TALDO1: variants seen among roughly 807,000 people sequenced by gnomAD.
TALDO1 encodes transaldolase.
In TALDO1, 29 loss-of-function variants were observed where a neutral mutation model predicts 38.1. That is an observed-to-expected ratio of 0.76 (90% CI 0.57 to 1.04). The LOEUF is 1.04. TALDO1 is among the 50% of genes least tolerant of loss of function. TALDO1 has a pLI of 0.00. For synonymous variants in TALDO1, 207 were observed against 176.8 expected (o/e 1.17, Z -1.36); for missense variants, 499 against 438.1 (o/e 1.14, Z -1.24).
intron 1 of TALDO1, among the ~76,000 whole-genome samples, chr11:751,357 C>T (rs1179382982): frequency 1.3e-5 from 2 of 152,110 alleles, no homozygotes; most frequent in Admixed American, 6.6e-5. Context: ...GGGTGGTCTT[C>T]GATCTGTCCA....
intron 1 of TALDO1, among the ~76,000 whole-genome samples, chr11:753,445 G>C (rs1480841796): frequency 6.6e-6 from 1 of 152,018 alleles, no homozygotes; most frequent in African/African-American, 2.4e-5. Flanking sequence ...GCAGGAGAAT[G>C]GCGTGAACCC....
Position 761,335 on chromosome 11 carries a change from C to CAA in TALDO1, c.461+1099_461+1100dup, listed in dbSNP as rs71022968. On this transcript the variant is annotated intron_variant, in intron 4 of 7. Transcript: ENST00000319006. ...TGGGTGACAGAATGAGACTCCATCT[C>CAA]AAAAAAAAAAAAAAAAAAGAAAAGA... is the stretch of plus-strand genomic sequence containing the variant. Among the ~76,000 whole-genome samples, 243 of 82,038 alleles carry CAA rather than the reference C, an allele frequency of 3.0e-3. 2 individuals are homozygous for CAA. Among genetic ancestry groups the CAA allele is most frequent in the South Asian group, 0.015 (37 of 2,406 alleles). The allele number at this position is 82,038 out of a possible 152,430, so 53.8% of individuals were successfully genotyped here. A position where few individuals can be genotyped will look rare whatever the true frequency, so the allele number is the denominator to read the frequency against.
At chr11:756,653 T>C (rs1185703288) in intron 2 of TALDO1, among the ~76,000 whole-genome samples, 1 of 151,956 alleles carries the variant, frequency 6.6e-6, no homozygotes, top group East Asian at 1.9e-4. Context: ...GCAGCTGGGA[T>C]TACAGGCATG....
intron 2 of TALDO1, among the ~76,000 whole-genome samples, chr11:756,498 T>C (rs1019629598): frequency 6.8e-6 from 1 of 147,840 alleles, no homozygotes; most frequent in African/African-American, 2.5e-5. Context: ...CCACCACTCC[T>C]GGCTCATTTT....
chr11:761,621 C>A (rs576308169), intron 4 of TALDO1, among the ~76,000 whole-genome samples: 1 of 152,214 alleles, frequency 6.6e-6, no homozygotes, highest in East Asian at 1.9e-4. Flanking sequence ...TCAAATAATT[C>A]GCATCAGGAA....
intron 4 of TALDO1, chr11:760,816 C>T (rs1564993128): frequency 6.3e-6 from 1 of 157,926 alleles, no homozygotes; most frequent in Admixed American, 6.0e-5. Flanking sequence ...GTGGGGATCA[C>T]GAGGTCAGGA....
chr11:756,114 GA>G (rs1055646662), intron 2 of TALDO1, 112 bp downstream of exon 2: 104 of 1,428,042 alleles, frequency 7.3e-5, no homozygotes, highest in South Asian at 5.2e-4. Flanking sequence ...CTCAAGGGGG[GA>G]AAAAAACCCT....
At chr11:755,423 C>T (rs192548089) in intron 1 of TALDO1, among the ~76,000 whole-genome samples, 91 of 152,248 alleles carry the variant, frequency 6.0e-4, no homozygotes, top group African/African-American at 2.1e-3. Flanking sequence ...GGATTACAGG[C>T]GTGGGCCGCC....
intron 2 of TALDO1, among the ~76,000 whole-genome samples, chr11:757,273 G>C (rs976606618): frequency 6.6e-6 from 1 of 150,748 alleles, no homozygotes; most frequent in Non-Finnish European, 1.5e-5. Context: ...CTGCACCCAT[G>C]TCCAGATGGC....
At chr11:757,073 G>T (rs1862849994) in intron 2 of TALDO1, among the ~76,000 whole-genome samples, 1 of 152,218 alleles carries the variant, frequency 6.6e-6, no homozygotes, top group South Asian at 2.1e-4. Context: ...CCAGGTGGCT[G>T]GTGAGTGGCT....
intron 3 of TALDO1, 86 bp downstream of exon 3, chr11:759,143 C>A: frequency 8.6e-7 from 1 of 1,167,316 alleles, no homozygotes; most frequent in Non-Finnish European, 1.3e-6. Context: ...CAAGGGGCTG[C>A]TCCACCCATG....
chr11:763,248 CCCATCCCCGCCCTCA>C (rs1165389385), intron 4 of TALDO1, 81 bp from the exon 5 acceptor site: 6 of 147,490 alleles, frequency 4.1e-5, no homozygotes, highest in African/African-American at 1.8e-4. Context: ...CCCGCCCTCA[CCCATCCCCGCCCTCA>C]CCGTCCCCGC....
rs1321040437 is a variant in TALDO1, at chr11:764,886, A to T, written c.*41A>T. 6.2e-7 allele frequency: 1 copy of T among 1,613,674 alleles called. No homozygotes were observed. The highest frequency in any genetic ancestry group is 1.7e-5 in the Admixed American group (1 of 60,036). On this transcript the variant is annotated 3_prime_UTR_variant, in exon 8 of 8. Transcript: ENST00000319006. ...GGACTCCAGATCTGCACCGCCGGCCAGCTGGGATCTGACTGCACGTGGCTT... is the reference window on the plus strand; with the variant it reads ...GGACTCCAGATCTGCACCGCCGGCCTGCTGGGATCTGACTGCACGTGGCTT...
At chr11:753,399 C>T (rs1862781299) in intron 1 of TALDO1, among the ~76,000 whole-genome samples, 1 of 152,092 alleles carries the variant, frequency 6.6e-6, no homozygotes, top group African/African-American at 2.4e-5. Context: ...GCCGCAGTGG[C>T]GGGCGCCTGT....
chr11:748,009 G>A (rs1044637463), intron 1 of TALDO1, among the ~76,000 whole-genome samples: 10 of 152,230 alleles, frequency 6.6e-5, no homozygotes, highest in African/African-American at 2.2e-4. Context: ...CCCCGCACCC[G>A]GGACGGGCTG....
chr11:762,316 A>G (rs1342906662), intron 4 of TALDO1, among the ~76,000 whole-genome samples: 1 of 152,160 alleles, frequency 6.6e-6, no homozygotes, highest in Non-Finnish European at 1.5e-5. Context: ...GATAGGCCAC[A>G]GTTATTCATC....
intron 4 of TALDO1, among the ~76,000 whole-genome samples, chr11:761,395 G>C (rs1180927446): frequency 6.6e-6 from 1 of 151,180 alleles, no homozygotes; most frequent in East Asian, 1.9e-4. Flanking sequence ...CAGCTACTTA[G>C]GAGGCTGAGG....
chr11:764,269 G>C lies in TALDO1; in HGVS notation c.836-19G>C. The C allele has an allele frequency of 6.2e-7, 1 of 1,614,110 alleles. No individual in the cohort carries two copies. The highest frequency in any genetic ancestry group is 8.5e-7 in the Non-Finnish European group (1 of 1,180,028). ...CAGGGACATGGAGCAGGCATGGAAG[G>C]CTGGTTCTTGTCCCCCAGCCCAAGC... On this transcript the variant is annotated intron_variant, in intron 6 of 7. Transcript: ENST00000319006.
intron 1 of TALDO1, among the ~76,000 whole-genome samples, chr11:748,804 G>A (rs1038857325): frequency 6.6e-6 from 1 of 152,098 alleles, no homozygotes; most frequent in Non-Finnish European, 1.5e-5. Context: ...CACACACACA[G>A]CCCCCCCGTT....
Sources: gnomAD v4.1 joint callset for allele counts (sites outside exome capture counted in the v4.1 genomes callset) on GRCh38, gnomAD v4.1.1 for gene constraint, MANE v1.5 for transcripts, NCBI Gene and HGNC (gene_info 2026-07-23, HGNC 2026-07-21) for gene names.